CARF: variants seen among roughly 807,000 people sequenced by gnomAD.
The protein encoded by CARF is calcium responsive transcription factor, also known as calcium-responsive transcription factor.
In CARF, 57 loss-of-function variants were observed where a neutral mutation model predicts 82.0. The observed-to-expected ratio is 0.70, with a 90% CI of 0.56 to 0.87. CARF has a LOEUF of 0.87. CARF is among the 40% of genes least tolerant of loss of function. CARF has a pLI of 0.00. For missense variants in CARF, 771 were observed against 855.8 expected (o/e 0.90, Z 1.24); for synonymous variants, 268 against 290.1 (o/e 0.92, Z 0.77).
At chr2:202,944,650 C>A (rs76849941) in intron 5 of CARF, among the ~76,000 whole-genome samples, 1 of 152,086 alleles carries the variant, frequency 6.6e-6, no homozygotes, top group Non-Finnish European at 1.5e-5. Flanking sequence ...ACTGCATCAC[C>A]GGCAGAGGTT....
intron 8 of CARF, among the ~76,000 whole-genome samples, chr2:202,960,704 ACCTTCCCGCCTTCCCG>A (rs140099257): frequency 6.8e-6 from 1 of 147,718 alleles, no homozygotes; most frequent in Non-Finnish European, 1.5e-5. Context: ...CTGCCTTCCC[ACCTTCCCGCCTTCCCG>A]CCTTCCCACC....
At chr2:202,929,678 G>T (rs1033554661) in intron 3 of CARF, among the ~76,000 whole-genome samples, 1 of 152,148 alleles carries the variant, frequency 6.6e-6, no homozygotes, top group Non-Finnish European at 1.5e-5. Flanking sequence ...GTCTTTTGTG[G>T]TTCCATACAA....
rs1177612179 is a variant in CARF, at chr2:202,918,892, A to C, written c.-163+849A>C. On this transcript the variant is annotated intron_variant, in intron 2 of 16. Transcript: ENST00000438828. ...CTCAATGTAACCACAAAAAGTCTTT[A>C]ACCCATAGATTTTCATTTCCAGAAG... 2.0e-5 allele frequency among the ~76,000 whole-genome samples: 3 copies of C among 152,360 alleles called. No individual in the cohort carries two copies. In the East Asian group the frequency reaches 5.8e-4, roughly 29 times the overall value.
chr2:202,948,376 C>T (rs1244198481), intron 5 of CARF, among the ~76,000 whole-genome samples: 1 of 151,936 alleles, frequency 6.6e-6, no homozygotes, highest in Non-Finnish European at 1.5e-5. Context: ...TAGTTTTTTT[C>T]TGGTTCTGTG....
chr2:202,920,248 G>A (rs562038258), intron 2 of CARF, among the ~76,000 whole-genome samples: 6 of 150,932 alleles, frequency 4.0e-5, no homozygotes, highest in South Asian at 2.1e-4. Flanking sequence ...TCCGCCTCCC[G>A]GGTTCACGCC....
intron 5 of CARF, among the ~76,000 whole-genome samples, chr2:202,946,998 A>T (rs2058527459): frequency 6.6e-6 from 1 of 152,216 alleles, no homozygotes; most frequent in Non-Finnish European, 1.5e-5. Context: ...GAGGCTGTGG[A>T]GAAATAGGAA....
rs542014171 is a variant in CARF, at chr2:202,952,825, C to A, written c.427+146C>A. On this transcript the variant is annotated intron_variant, in intron 6 of 16. Coordinates refer to ENST00000438828, the MANE Select transcript of CARF (RefSeq NM_024744.17). The stretch of plus-strand genomic sequence containing the variant: ...AATAATTAGAAAACAGCTCTTTGCC[C>A]AAATAAATTCAAAGTTCATTTTTCA... 6 of 773,160 alleles carry A rather than the reference C, an allele frequency of 7.8e-6. No homozygotes were observed. The African/African-American group carries it at 1.0e-4, about 14-fold the overall frequency. 47.9% of individuals were successfully genotyped at this position (773,160 alleles called of 1,614,324 possible). A position where few individuals can be genotyped will look rare whatever the true frequency, so the allele number is the denominator to read the frequency against.
At chr2:202,925,071 C>A in intron 3 of CARF, 1 of 417,194 alleles carries the variant, frequency 2.4e-6, no homozygotes, top group South Asian at 2.0e-5. Flanking sequence ...AGAGCTACAT[C>A]AACAACCTAA....
intron 7 of CARF, 75 bp from the exon 8 acceptor site, chr2:202,955,599 A>G (rs1413929363): frequency 1.3e-5 from 13 of 1,015,232 alleles, no homozygotes; most frequent in East Asian, 1.3e-4. Context: ...TTTGATACTA[A>G]GAGGATAAAG....
At chr2:202,938,578 G>GT (rs1354120767) in intron 3 of CARF, among the ~76,000 whole-genome samples, 7 of 124,486 alleles carry the variant, frequency 5.6e-5, no homozygotes, top group Non-Finnish European at 8.2e-5. Flanking sequence ...CCAACTTTCA[G>GT]TTTTTTTTTA....
At chr2:202,916,948 CG>C (rs1365681783) in intron 1 of CARF, among the ~76,000 whole-genome samples, 1 of 152,092 alleles carries the variant, frequency 6.6e-6, no homozygotes, top group African/African-American at 2.4e-5. Flanking sequence ...CGGTGGCTCA[CG>C]CCTGTAATCC....
At chr2:202,967,659 A>C (rs1176318415) in intron 10 of CARF, among the ~76,000 whole-genome samples, 1 of 152,210 alleles carries the variant, frequency 6.6e-6, no homozygotes, top group Non-Finnish European at 1.5e-5. Context: ...GGTATTCCTT[A>C]TTAGTATTAT....
chr2:202,914,791 ACAAAC>A lies in CARF; in HGVS notation c.-330+1690_-330+1694del, dbSNP rs1434717310. Among the ~76,000 whole-genome samples, 7 of 124,636 alleles carry A rather than the reference ACAAAC, an allele frequency of 5.6e-5. 2 individuals are homozygous for A. The East Asian group carries it at 7.6e-4, about 14-fold the overall frequency. The allele number at this position is 124,636 out of a possible 152,430, so 81.8% of individuals were successfully genotyped here. A position where few individuals can be genotyped will look rare whatever the true frequency, so the allele number is the denominator to read the frequency against. On this transcript the variant is annotated intron_variant, in intron 1 of 16. Coordinates refer to ENST00000438828, the MANE Select transcript of CARF (RefSeq NM_024744.17). ...TGAAACTCCATCTCAAAAAAAAAAAACAAACAAAAAATCAGAGCAAAAAGGTAAAA... is the reference window on the plus strand; with the variant it reads ...TGAAACTCCATCTCAAAAAAAAAAAAAAAAAATCAGAGCAAAAAGGTAAAA...
intron 7 of CARF, among the ~76,000 whole-genome samples, chr2:202,954,472 T>G (rs2058933195): frequency 6.6e-6 from 1 of 152,094 alleles, no homozygotes; most frequent in Admixed American, 6.6e-5. Flanking sequence ...CCCAGCACTT[T>G]GGGAGGACAA....
intron 3 of CARF, among the ~76,000 whole-genome samples, chr2:202,929,431 C>T (rs945618100): frequency 1.3e-5 from 2 of 152,150 alleles, no homozygotes; most frequent in African/African-American, 4.8e-5. Context: ...GACCTTTTAT[C>T]AAAGGGACTG....
At chr2:202,976,154 A>G (rs2060017233) in intron 13 of CARF, among the ~76,000 whole-genome samples, 1 of 151,878 alleles carries the variant, frequency 6.6e-6, no homozygotes, top group South Asian at 2.1e-4. Context: ...TCCATATGCC[A>G]TCTGTGGATA....
chr2:202,920,832 C>T (rs1690660038), intron 2 of CARF, among the ~76,000 whole-genome samples: 1 of 151,914 alleles, frequency 6.6e-6, no homozygotes, highest in East Asian at 1.9e-4. Flanking sequence ...TTAATAAGCC[C>T]CTCAATAGGA....
chr2:202,917,595 T>A (rs1218634423), intron 1 of CARF, among the ~76,000 whole-genome samples: 1 of 152,168 alleles, frequency 6.6e-6, no homozygotes, highest in African/African-American at 2.4e-5. Context: ...TTGCTAGAGA[T>A]CTTTGTTTTA....
chr2:202,919,382 G>T (rs974111535), intron 2 of CARF, among the ~76,000 whole-genome samples: 8 of 152,172 alleles, frequency 5.3e-5, no homozygotes, highest in Non-Finnish European at 7.3e-5. Context: ...GGCTAGTAAA[G>T]GTAACTTGCA....
Sources: gnomAD v4.1 joint callset for allele counts (sites outside exome capture counted in the v4.1 genomes callset) on GRCh38, gnomAD v4.1.1 for gene constraint, MANE v1.5 for transcripts, NCBI Gene and HGNC (gene_info 2026-07-23, HGNC 2026-07-21) for gene names.